Variants in ADPRHL1 observed in about 807,000 individuals in gnomAD.
The protein encoded by ADPRHL1 is inactive ADP-ribosyltransferase ARH2.
Under a neutral mutation model 44.1 loss-of-function variants are expected in ADPRHL1, and 43 were observed. That is an observed-to-expected ratio of 0.98 (90% CI 0.76 to 1.26). The LOEUF (loss-of-function observed/expected upper bound fraction) is 1.26, where lower values mean the gene tolerates loss of function less well. Among genes scored for constraint, ADPRHL1 ranks in the 50% most tolerant of loss-of-function variants. The probability of loss-of-function intolerance (pLI) is 0.00; values close to 1 mark genes in which losing one functional copy is unlikely to be tolerated. For synonymous variants in ADPRHL1, 878 were observed against 1,017.4 expected (o/e 0.86, Z 2.61); for missense variants, 2,022 against 2,496.9 (o/e 0.81, Z 4.05).
chr13:113,421,300 A>C (rs1162009647), intron 7 of ADPRHL1, among the ~76,000 whole-genome samples: 3 of 15,148 alleles, frequency 2.0e-4, no homozygotes, highest in African/African-American at 3.3e-4. Flanking sequence ...GGACACGCCC[A>C]CTCCCGGGAC....
intron 2 of ADPRHL1, among the ~76,000 whole-genome samples, chr13:113,436,996 AGGTGTAGAGTGAG>A (rs2044064145): frequency 1.4e-5 from 2 of 147,694 alleles, no homozygotes; most frequent in East Asian, 2.1e-4. Flanking sequence ...CCCAGCACCC[AGGTGTAGAGTGAG>A]CATAGGTGTA....
rs1356743168 is a variant in ADPRHL1 at position 113,429,058 on chromosome 13, C to T, written c.540G>A (p.Val180=). The T allele has an allele frequency of 6.2e-7, 1 of 1,612,442 alleles. No individual in the cohort carries two copies. Among genetic ancestry groups the T allele is most frequent in the Non-Finnish European group, 8.5e-7 (1 of 1,179,884 alleles). ...GGGGCTTTCCTTGTGCGGCGAACGACACAAACAGGGCCGTGCACAGGGAGC... is the reference window on the plus strand; with the variant it reads ...GGGGCTTTCCTTGTGCGGCGAACGATACAAACAGGGCCGTGCACAGGGAGC... The part of the protein sequence containing the change: ...FLGSLCTALF[V]SFAAQGKPLV... The change falls in exon 4 of 8, where the codon GTG becomes GTA. Residue 180 remains valine (V), a synonymous_variant. Coordinates refer to ENST00000612156, the MANE Select transcript of ADPRHL1 (RefSeq NM_001394807.1).
At chr13:113,450,474 C>CG (rs2044170895) in intron 1 of ADPRHL1, among the ~76,000 whole-genome samples, 1 of 152,042 alleles carries the variant, frequency 6.6e-6, no homozygotes, top group Non-Finnish European at 1.5e-5. Context: ...CAGCTGGGCC[C>CG]GGGGGACCAC....
chr13:113,448,569 G>A (rs2044158218), intron 1 of ADPRHL1, among the ~76,000 whole-genome samples: 1 of 149,100 alleles, frequency 6.7e-6, no homozygotes, highest in African/African-American at 2.5e-5. Context: ...GTAGCAAAAT[G>A]TCAACTGTTT....
rs2069568915 is a variant in ADPRHL1, at chr13:113,434,758, G to A, written c.380-891C>T. Among the ~76,000 whole-genome samples, 2 of 107,162 alleles carry A rather than the reference G, an allele frequency of 1.9e-5. 1 individual carries two copies. The highest frequency in any genetic ancestry group is 1.8e-4 in the Admixed American group (2 of 11,086). 70.3% of individuals were successfully genotyped at this position (107,162 alleles called of 152,430 possible). On this transcript the variant is annotated intron_variant, in intron 2 of 7. Transcript: ENST00000612156. ...TAGAGTGAACATAGGTGTACCCTGG[G>A]ACCCAGCACCCAGGCGTAGAGTGAA... is the stretch of plus-strand genomic sequence containing the variant.
rs570849310 is a variant in ADPRHL1, at chr13:113,401,518, C to T, written c.*1860G>A. The T allele has an allele frequency of 4.5e-3, 683 of 152,414 alleles. 4 individuals carry two copies. The highest frequency in any genetic ancestry group is 0.01 in the Middle Eastern group (3 of 294). 9.4% of individuals were successfully genotyped at this position (152,414 alleles called of 1,614,324 possible). A position where few individuals can be genotyped will look rare whatever the true frequency, so the allele number is the denominator to read the frequency against. ...GGGACCCACACGCGCGAGGGGCACC[C>T]GGTGCTCAGGAGCCTCCACACACAG... On this transcript the variant is annotated 3_prime_UTR_variant, in exon 8 of 8. Coordinates refer to ENST00000612156, the MANE Select transcript of ADPRHL1 (RefSeq NM_001394807.1). This position sits in a 1 kb window ranked among gnomAD's most constrained non-coding sequence, Gnocchi z 5.5.
At position 113,448,949 on chromosome 13, in the gene ADPRHL1, G is replaced by A. The variant is rs376151692; in HGVS notation, c.214+4275C>T. 2.3e-4 allele frequency: 225 copies of A among 985,544 alleles called. No homozygotes were observed. The African/African-American group carries it at 2.7e-3, about 12-fold the overall frequency. 61.0% of individuals were successfully genotyped at this position (985,544 alleles called of 1,614,324 possible). Reference sequence around the variant, plus strand: ...CCAGCTGCATACCCGAGCAATGGCCGAGCTCTCTGTGCGAGGCCGCCCCTC... The same window carrying A: ...CCAGCTGCATACCCGAGCAATGGCCAAGCTCTCTGTGCGAGGCCGCCCCTC... On this transcript the variant is annotated intron_variant, in intron 1 of 7. Coordinates refer to ENST00000612156, the MANE Select transcript of ADPRHL1 (RefSeq NM_001394807.1).
At position 113,437,082 on chromosome 13, in the gene ADPRHL1, A is replaced by G. The variant is rs1291677944; in HGVS notation, c.380-3215T>C. Among the ~76,000 whole-genome samples, 204 of 87,276 alleles carry G rather than the reference A, an allele frequency of 2.3e-3. 4 individuals are homozygous for G. The highest frequency in any genetic ancestry group is 7.4e-3 in the African/African-American group (165 of 22,174). The allele number at this position is 87,276 out of a possible 152,430, so 57.3% of individuals were successfully genotyped here. On this transcript the variant is annotated intron_variant, in intron 2 of 7. Coordinates refer to ENST00000612156, the MANE Select transcript of ADPRHL1 (RefSeq NM_001394807.1). ...GTGTACCCCGGGACCCAGCACCCAC[A>G]CGTAGAGTGAACATAGGTGTACCCC...
Position 113,453,096 on chromosome 13 carries a change from CG to C in ADPRHL1, c.214+127del, listed in dbSNP as rs1470253564. 12 of 946,622 alleles carry C rather than the reference CG, an allele frequency of 1.3e-5. No homozygotes were observed. Among genetic ancestry groups the C allele is most frequent in the Non-Finnish European group, 1.9e-5 (12 of 636,546 alleles). The allele number at this position is 946,622 out of a possible 1,614,324, so 58.6% of individuals were successfully genotyped here. On this transcript the variant is annotated intron_variant, in intron 1 of 7. Transcript: ENST00000612156. This position sits in a 1 kb window ranked among gnomAD's most constrained non-coding sequence, Gnocchi z 5.4. ...CAGATTAAATTGCCACTTTTAGCAG[CG>C]GTATCAGGTAACACCATCCGCTGAA...
chr13:113,427,634 C>T (rs184554195), intron 4 of ADPRHL1, among the ~76,000 whole-genome samples: 17 of 152,216 alleles, frequency 1.1e-4, no homozygotes, highest in Non-Finnish European at 2.1e-4. Context: ...AGCCATCTCC[C>T]ACCGCTCCCA....
At position 113,403,967 on chromosome 13, in the gene ADPRHL1, G is replaced by A. The variant is rs1396607876; in HGVS notation, c.5315C>T (p.Ala1772Val). 2 of 1,312,892 alleles carry A rather than the reference G, an allele frequency of 1.5e-6. No individual in the cohort carries two copies. Among genetic ancestry groups the A allele is most frequent in the Non-Finnish European group, 1.9e-6 (2 of 1,041,190 alleles). 81.3% of individuals were successfully genotyped at this position (1,312,892 alleles called of 1,614,324 possible). A position where few individuals can be genotyped will look rare whatever the true frequency, so the allele number is the denominator to read the frequency against. ...GQAQKGAQEW[A>V]RDRARDQGWE... ...GCCCTGATCCCGAGCCCGATCCCGA[G>A]CCCATTCCTGAGCCCCTTTCTGGGC... Residue 1772 changes from alanine to valine, a missense_variant, in exon 8 of 8, where the codon GCT becomes GTT. Ala to Val is a moderately conservative substitution (Grantham distance 64). Around this residue, in one of 8 missense-constraint regions of ADPRHL1, gnomAD observed 205 missense variants for 250.1 expected, o/e 0.82. Transcript: ENST00000612156.
In ADPRHL1 at chr13:113,404,557, C is replaced by A; in HGVS notation, c.4725G>T (p.Gly1575=). 1.5e-6 allele frequency: 2 copies of A among 1,300,746 alleles called. No individual in the cohort carries two copies. Among genetic ancestry groups the A allele is most frequent in the Non-Finnish European group, 9.7e-7 (1 of 1,029,360 alleles). 80.6% of individuals were successfully genotyped at this position (1,300,746 alleles called of 1,614,324 possible). A position where few individuals can be genotyped will look rare whatever the true frequency, so the allele number is the denominator to read the frequency against. ...QGQAQEPAQG[G]AQGQVQGQAQ... is the part of the protein sequence containing the mutation. ...CCTGTCCCTGAACCTGTCCCTGGGC[C>A]CCACCCTGAGCTGGTTCCTGTGCCT... Residue 1575 remains glycine, a synonymous_variant, in exon 8 of 8, where the codon GGG becomes GGT. Transcript: ENST00000612156.
chr13:113,437,892 C>T (rs2139641547), intron 2 of ADPRHL1, among the ~76,000 whole-genome samples: 1 of 152,280 alleles, frequency 6.6e-6, no homozygotes, highest in African/African-American at 2.4e-5. Context: ...AGTGCAGCAG[C>T]CTAATCTTAG....
At chr13:113,417,345 G>T (rs528985056) in intron 7 of ADPRHL1, among the ~76,000 whole-genome samples, 30 of 152,330 alleles carry the variant, frequency 2.0e-4, no homozygotes, top group African/African-American at 7.0e-4. Context: ...CCTTCTCAGG[G>T]TACAAGGAGG....
At chr13:113,451,119 C>T (rs937072769) in intron 1 of ADPRHL1, among the ~76,000 whole-genome samples, 5 of 152,194 alleles carry the variant, frequency 3.3e-5, no homozygotes, top group Non-Finnish European at 7.3e-5. Flanking sequence ...AGAAGGCTCG[C>T]ACTCTTGTCT....
chr13:113,450,008 G>A (rs1022877134), intron 1 of ADPRHL1, among the ~76,000 whole-genome samples: 1 of 152,228 alleles, frequency 6.6e-6, no homozygotes, highest in Non-Finnish European at 1.5e-5. Flanking sequence ...GGTGATGTGA[G>A]GAGCATGTGT....
chr13:113,420,403 C>T (rs1300995900), intron 7 of ADPRHL1, among the ~76,000 whole-genome samples: 1 of 149,996 alleles, frequency 6.7e-6, no homozygotes, highest in Non-Finnish European at 1.5e-5. Flanking sequence ...TGAATGCAGC[C>T]GCGCCCTGCT....
At chr13:113,417,471 T>G (rs2043892533) in intron 7 of ADPRHL1, among the ~76,000 whole-genome samples, 1 of 152,210 alleles carries the variant, frequency 6.6e-6, no homozygotes, top group Admixed American at 6.5e-5. Flanking sequence ...AGACACAGAG[T>G]GCCCCAGATC....
intron 3 of ADPRHL1, 60 bp downstream of exon 3, chr13:113,433,682 T>G (rs12874568): frequency 4.0e-5 from 56 of 1,411,944 alleles, no homozygotes; most frequent in East Asian, 4.0e-4. Flanking sequence ...TGTGAGGTGG[T>G]TGTGGGTCAT....
Sources: gnomAD v4.1 joint callset for allele counts (sites outside exome capture counted in the v4.1 genomes callset) on GRCh38, gnomAD v4.1.1 for gene constraint, gnomAD v4.1.1 regional missense constraint, Gnocchi (gnomAD v3.1) non-coding constraint, MANE v1.5 for transcripts, NCBI Gene and HGNC (gene_info 2026-07-23, HGNC 2026-07-21) for gene names.